IPO11: variants seen among roughly 807,000 people sequenced by gnomAD.
IPO11 encodes importin-11.
Under a neutral mutation model 143.2 loss-of-function variants are expected in IPO11, and 66 were observed. That is an observed-to-expected ratio of 0.46 (90% CI 0.38 to 0.57). The LOEUF (loss-of-function observed/expected upper bound fraction) is 0.57, where lower values mean the gene tolerates loss of function less well. IPO11 is among the 20% of genes least tolerant of loss of function. IPO11 has a pLI of 0.00. For synonymous variants in IPO11, 385 were observed against 377.8 expected (o/e 1.02, Z -0.22); for missense variants, 1,026 against 1,141.0 (o/e 0.90, Z 1.45).
intron 19 of IPO11, among the ~76,000 whole-genome samples, chr5:62,510,645 T>C (rs1741713679): frequency 6.6e-6 from 1 of 152,198 alleles, no homozygotes; most frequent in Admixed American, 6.5e-5. Context: ...CACTGGAATA[T>C]GTTTGGCTCT....
intron 22 of IPO11, among the ~76,000 whole-genome samples, chr5:62,534,852 C>G (rs1333502831): frequency 1.3e-5 from 2 of 152,162 alleles, no homozygotes; most frequent in South Asian, 2.1e-4. Context: ...TACTCAGTAT[C>G]TGAAAGTAAA....
intron 24 of IPO11, among the ~76,000 whole-genome samples, chr5:62,539,523 G>GT (rs1358632850): frequency 5.9e-5 from 9 of 152,142 alleles, no homozygotes; most frequent in African/African-American, 2.2e-4. Flanking sequence ...AGAGCAAGGG[G>GT]TTTACTAAAG....
At chr5:62,584,396 G>A (rs770463845) in intron 27 of IPO11, among the ~76,000 whole-genome samples, 6 of 151,928 alleles carry the variant, frequency 3.9e-5, no homozygotes, top group Admixed American at 2.6e-4. Context: ...TCAGGAATTC[G>A]AGACCAGCCT....
chr5:62,476,930 T>G (rs934804431), intron 9 of IPO11, among the ~76,000 whole-genome samples, 177 bp downstream of exon 9: 1 of 152,188 alleles, frequency 6.6e-6, no homozygotes, highest in African/African-American at 2.4e-5. Flanking sequence ...ATATAATAAT[T>G]AAATTTACAT....
At chr5:62,492,595 G>A (rs912202477) in intron 15 of IPO11, among the ~76,000 whole-genome samples, 1 of 152,072 alleles carries the variant, frequency 6.6e-6, no homozygotes, top group African/African-American at 2.4e-5. Context: ...CCAGGCTAGA[G>A]TGCAGTGCCA....
intron 29 of IPO11, among the ~76,000 whole-genome samples, chr5:62,612,905 T>C (rs1745979318): frequency 6.6e-6 from 1 of 152,218 alleles, no homozygotes. Context: ...CTTCTAAAAG[T>C]TTGTAAGTCT....
chr5:62,468,047 A>G (rs1038307944), intron 6 of IPO11, among the ~76,000 whole-genome samples: 1 of 152,102 alleles, frequency 6.6e-6, no homozygotes, highest in African/African-American at 2.4e-5. Flanking sequence ...TCCTGGGCTC[A>G]AGTGATCCTC....
At chr5:62,424,240 C>T (rs186299763) in intron 1 of IPO11, among the ~76,000 whole-genome samples, 27 of 151,854 alleles carry the variant, frequency 1.8e-4, no homozygotes, top group South Asian at 6.2e-4. Context: ...CCCGGGTTCA[C>T]GCCATTCTCC....
intron 1 of IPO11, among the ~76,000 whole-genome samples, chr5:62,424,646 C>T (rs1195971315): frequency 1.3e-5 from 2 of 151,002 alleles, no homozygotes; most frequent in Non-Finnish European, 2.9e-5. Flanking sequence ...GTTGCCCGGA[C>T]TGCCAGGCTG....
chr5:62,518,732 T>A (rs776896726), intron 20 of IPO11, among the ~76,000 whole-genome samples: 111 of 152,246 alleles, frequency 7.3e-4, no homozygotes, highest in Non-Finnish European at 9.8e-4. Context: ...TTTGTTTTTT[T>A]AATCCTGGAA....
intron 1 of IPO11, among the ~76,000 whole-genome samples, chr5:62,416,182 CTT>C (rs869236693): frequency 1.6e-5 from 2 of 123,504 alleles, no homozygotes; most frequent in Non-Finnish European, 3.3e-5. Context: ...TTTTTCTTTT[CTT>C]TTTTTTTTTT....
chr5:62,517,397 A>G (rs1430145709), intron 20 of IPO11, among the ~76,000 whole-genome samples: 1 of 152,028 alleles, frequency 6.6e-6, no homozygotes, highest in Non-Finnish European at 1.5e-5. Flanking sequence ...ATCTCTGCCA[A>G]ATGTTTTTTG....
chr5:62,586,768 AATATATAT>A (rs56808416), intron 27 of IPO11, among the ~76,000 whole-genome samples: 2 of 28,912 alleles, frequency 6.9e-5, no homozygotes, highest in Admixed American at 4.9e-4. Flanking sequence ...AAAAAAAAAA[AATATATAT>A]ATATATATAT....
At chr5:62,528,267 AT>A (rs1742430599) in intron 21 of IPO11, among the ~76,000 whole-genome samples, 1 of 152,196 alleles carries the variant, frequency 6.6e-6, no homozygotes, top group Admixed American at 6.5e-5. Context: ...AATGTTGCTG[AT>A]TTTCCTAGTA....
At chr5:62,624,464 T>G (rs1378580575) in intron 29 of IPO11, among the ~76,000 whole-genome samples, 1 of 109,836 alleles carries the variant, frequency 9.1e-6, no homozygotes. Context: ...TGCTAATGCA[T>G]TATAATTAAC....
At chr5:62,490,586 G>A (rs561835195) in intron 15 of IPO11, among the ~76,000 whole-genome samples, 1 of 152,134 alleles carries the variant, frequency 6.6e-6, no homozygotes, top group African/African-American at 2.4e-5. Context: ...AATGCATACT[G>A]CAAGTCTCTG....
At chr5:62,560,531 C>G (rs901692438) in intron 26 of IPO11, among the ~76,000 whole-genome samples, 1 of 152,224 alleles carries the variant, frequency 6.6e-6, no homozygotes, top group Non-Finnish European at 1.5e-5. Flanking sequence ...ACAGCAACAT[C>G]TAGCCTAGTG....
At chr5:62,501,303 A>G (rs1189961068) in intron 16 of IPO11, among the ~76,000 whole-genome samples, 1 of 152,222 alleles carries the variant, frequency 6.6e-6, no homozygotes, top group African/African-American at 2.4e-5. Context: ...TGTGTTTTGA[A>G]CGATCCCAGA....
intron 26 of IPO11, among the ~76,000 whole-genome samples, chr5:62,555,957 GT>G (rs199739125): frequency 0.052 from 7,909 of 151,450 alleles, 239 homozygotes; most frequent in South Asian, 0.083. Context: ...GCCACCTTCA[GT>G]TTTTTTTTAA....
Sources: allele counts gnomAD v4.1 joint callset (sites outside exome capture counted in the v4.1 genomes callset), GRCh38; gene constraint gnomAD v4.1.1; transcripts MANE v1.5; gene names NCBI Gene and HGNC (gene_info 2026-07-23, HGNC 2026-07-21).